Variants in ARID1B observed in about 807,000 individuals in gnomAD.
ARID1B encodes AT-rich interaction domain 1B.
Under a neutral mutation model 212.3 loss-of-function variants are expected in ARID1B, and 30 were observed. The observed-to-expected ratio is 0.14, with a 90% confidence interval of 0.11 to 0.19. The LOEUF (loss-of-function observed/expected upper bound fraction) is 0.19. Among genes scored for constraint, ARID1B ranks in the 10% least tolerant of loss-of-function variants. The pLI is 1.00. For synonymous variants in ARID1B, 1,402 were observed against 1,301.7 expected (o/e 1.08, Z -1.66); for missense variants, 2,891 against 3,204.0 (o/e 0.90, Z 2.36).
chr6:156,792,647 T>C (rs1371724765), intron 1 of ARID1B, among the ~76,000 whole-genome samples: 4 of 152,154 alleles, frequency 2.6e-5, no homozygotes. Context: ...GGGTCTGAAG[T>C]GGTACTCCAG....
chr6:156,818,199 A>G (rs1289880529), intron 1 of ARID1B, among the ~76,000 whole-genome samples: 3 of 148,782 alleles, frequency 2.0e-5, no homozygotes, highest in Non-Finnish European at 4.4e-5. Flanking sequence ...AGTAAGAGTC[A>G]ATATATGCTT....
intron 4 of ARID1B, among the ~76,000 whole-genome samples, chr6:157,070,119 CTGATCAT>C (rs1783918232): frequency 6.6e-6 from 1 of 151,944 alleles, no homozygotes; most frequent in Non-Finnish European, 1.5e-5. Context: ...AGTGACACTA[CTGATCAT>C]TTTTTTTCTA....
At chr6:156,786,669 A>G (rs1779653286) in intron 1 of ARID1B, among the ~76,000 whole-genome samples, 1 of 152,212 alleles carries the variant, frequency 6.6e-6, no homozygotes, top group Admixed American at 6.5e-5. Flanking sequence ...GCATTTGTGT[A>G]TGCAGTGAGG....
chr6:157,048,366 G>A (rs957605222), intron 4 of ARID1B, among the ~76,000 whole-genome samples: 1 of 152,156 alleles, frequency 6.6e-6, no homozygotes, highest in Admixed American at 6.5e-5. Flanking sequence ...AGCAATAAAA[G>A]TACCATTTTA....
chr6:157,206,605 G>C lies in ARID1B; in HGVS notation c.5833G>C (p.Gly1945Arg). The C allele has an allele frequency of 6.2e-7, 1 of 1,613,816 alleles. No homozygotes were observed. The highest frequency in any genetic ancestry group is 8.5e-7 in the Non-Finnish European group (1 of 1,179,960). ...TAGTGGCCTTCTGCACTGGCAGCTC[G>C]GCGGGGGTGACACCACCGAGCACAT... Reference protein sequence around the residue: ...FNSGLLHWQLGGGDTTEHIQT... With the variant: ...FNSGLLHWQLRGGDTTEHIQT... Residue 1945 changes from glycine to arginine, a missense_variant, in exon 20 of 20, where the codon GGC becomes CGC. Physicochemically the swap from Gly to Arg is moderately radical, Grantham distance 125. This residue lies in a region of ARID1B where 332 missense variants were observed against 369.2 expected (regional missense o/e 0.90). Transcript: ENST00000636930. This position sits in a 1 kb window ranked among gnomAD's most constrained non-coding sequence, Gnocchi z 6.8.
At chr6:156,909,123 C>CTTTTTTT (rs60183999) in intron 3 of ARID1B, among the ~76,000 whole-genome samples, 14 of 108,824 alleles carry the variant, frequency 1.3e-4, no homozygotes, top group Non-Finnish European at 1.6e-4. Context: ...TTTTCTTTCT[C>CTTTTTTT]TTTTTTTTTT....
intron 4 of ARID1B, among the ~76,000 whole-genome samples, chr6:156,962,230 C>T (rs1055573683): frequency 4.1e-4 from 62 of 152,006 alleles, no homozygotes; most frequent in Admixed American, 9.2e-4. Flanking sequence ...ACCCGGCGGG[C>T]GGAGCTTGCA....
intron 4 of ARID1B, among the ~76,000 whole-genome samples, chr6:157,062,082 T>G (rs1783375449): frequency 6.6e-6 from 1 of 152,224 alleles, no homozygotes; most frequent in Admixed American, 6.5e-5. Context: ...AATAAAATGT[T>G]TGACAAAGCA....
At chr6:157,139,803 A>G (rs945192471) in intron 7 of ARID1B, among the ~76,000 whole-genome samples, 3 of 151,404 alleles carry the variant, frequency 2.0e-5, no homozygotes, top group African/African-American at 4.9e-5. Context: ...GCTCACTGCA[A>G]CCTCTGCCTC....
At chr6:156,895,101 G>A (rs75754364) in intron 2 of ARID1B, among the ~76,000 whole-genome samples, 2,060 of 152,278 alleles carry the variant, frequency 0.014, 22 homozygotes, top group South Asian at 0.021. Context: ...ACTTTTTAAA[G>A]GATTTCACAT....
At chr6:156,877,630 A>G (rs1405396299) in intron 2 of ARID1B, among the ~76,000 whole-genome samples, 2 of 152,132 alleles carry the variant, frequency 1.3e-5, no homozygotes, top group Non-Finnish European at 2.9e-5. Context: ...TGCTAAAAGA[A>G]GGAACACATT....
rs753537321 is a variant in ARID1B at position 157,206,837 on chromosome 6, A to C, written c.6065A>C (p.Glu2022Ala). Residue 2022 changes from glutamate to alanine, a missense_variant, in exon 20 of 20, where the codon GAA becomes GCA. Physicochemically the swap from Glu to Ala is moderately radical, Grantham distance 107 (BLOSUM62 -1). This residue lies in a region of ARID1B where 332 missense variants were observed against 369.2 expected (regional missense o/e 0.90). Coordinates refer to ENST00000636930, the MANE Select transcript of ARID1B (RefSeq NM_001374828.1). This position sits in a 1 kb window ranked among gnomAD's most constrained non-coding sequence, Gnocchi z 6.8. Reference sequence around the variant, plus strand: ...GACGCAAACCCTGGGCCCCAGACCGAAAGCAGTAAGTTTCCCTTTGGTATC... The same window carrying C: ...GACGCAAACCCTGGGCCCCAGACCGCAAGCAGTAAGTTTCCCTTTGGTATC... ...PEDANPGPQTESSKFPFGIQQ... is the reference protein window; with the variant it reads ...PEDANPGPQTASSKFPFGIQQ... 3.1e-6 allele frequency: 5 copies of C among 1,614,112 alleles called. No homozygotes were observed. The highest frequency in any genetic ancestry group is 4.2e-6 in the Non-Finnish European group (5 of 1,180,026).
Position 156,778,607 on chromosome 6 carries a change from C to G in ARID1B, c.927C>G (p.Ala309=), listed in dbSNP as rs1450163641. The G allele has an allele frequency of 1.2e-5, 16 of 1,305,224 alleles. No homozygotes were observed. The highest frequency in any genetic ancestry group is 1.6e-5 in the Non-Finnish European group (16 of 1,028,248). The allele number at this position is 1,305,224 out of a possible 1,614,324, so 80.9% of individuals were successfully genotyped here. ...AVPGGGGGPA[A]VPEFNNYYGS... Reference sequence around the variant, plus strand: ...CCGGGGGCGGCGGCGGCCCGGCGGCCGTCCCGGAGTTTAATAATTACTATG... The same window carrying G: ...CCGGGGGCGGCGGCGGCCCGGCGGCGGTCCCGGAGTTTAATAATTACTATG... Residue 309 remains alanine (A), a synonymous_variant, in exon 1 of 20, where the codon GCC becomes GCG. Coordinates refer to ENST00000636930, the MANE Select transcript of ARID1B (RefSeq NM_001374828.1).
intron 2 of ARID1B, among the ~76,000 whole-genome samples, chr6:156,890,237 A>G (rs1346483744): frequency 6.6e-6 from 1 of 152,236 alleles, no homozygotes; most frequent in South Asian, 2.1e-4. Context: ...TTTGCTAAAT[A>G]TAGAGTAGTT....
At chr6:156,930,674 A>G (rs1791622684) in intron 3 of ARID1B, among the ~76,000 whole-genome samples, 1 of 152,240 alleles carries the variant, frequency 6.6e-6, no homozygotes, top group South Asian at 2.1e-4. Flanking sequence ...CTGGTTAAAT[A>G]CGTTACTCCA....
At chr6:156,907,701 A>G (rs1313118857) in intron 3 of ARID1B, among the ~76,000 whole-genome samples, 2 of 151,526 alleles carry the variant, frequency 1.3e-5, no homozygotes, top group Non-Finnish European at 2.9e-5. Flanking sequence ...GTTTGAGACC[A>G]GCCTGGTCAA....
Position 156,851,707 on chromosome 6 carries a change from T to C in ARID1B, c.1986+22286T>C, listed in dbSNP as rs1468565142. Among the ~76,000 whole-genome samples the C allele has an allele frequency of 2.0e-5, 3 of 152,264 alleles. No individual in the cohort carries two copies. In the East Asian group the frequency reaches 5.8e-4, roughly 29 times the overall value. On this transcript the variant is annotated intron_variant, in intron 2 of 19. Transcript: ENST00000636930. Reference sequence around the variant, plus strand: ...TTCAAATGACTAAGTACAGTAAACTTTTTACTGGCACAGTTAATTTATTTG... The same window carrying C: ...TTCAAATGACTAAGTACAGTAAACTCTTTACTGGCACAGTTAATTTATTTG...
intron 3 of ARID1B, among the ~76,000 whole-genome samples, chr6:156,931,009 T>C (rs1296810809): frequency 6.6e-6 from 1 of 151,928 alleles, no homozygotes; most frequent in African/African-American, 2.4e-5. Flanking sequence ...GCCAACACAG[T>C]GAAACCCCAT....
At chr6:156,862,767 A>G (rs1327319457) in intron 2 of ARID1B, among the ~76,000 whole-genome samples, 1 of 152,162 alleles carries the variant, frequency 6.6e-6, no homozygotes, top group Non-Finnish European at 1.5e-5. Context: ...TCTGTTAATG[A>G]AGGCCTACCC....
Sources: gnomAD v4.1 joint callset for allele counts (sites outside exome capture counted in the v4.1 genomes callset) on GRCh38, gnomAD v4.1.1 for gene constraint, gnomAD v4.1.1 regional missense constraint, Gnocchi (gnomAD v3.1) non-coding constraint, MANE v1.5 for transcripts, NCBI Gene and HGNC (gene_info 2026-07-23, HGNC 2026-07-21) for gene names.